Variants in TMEM178B observed in about 807,000 individuals in gnomAD.
TMEM178B encodes transmembrane protein 178B.
In TMEM178B, 5 loss-of-function variants were observed where a neutral mutation model predicts 31.0. The observed-to-expected ratio is 0.16, with a 90% CI of 0.08 to 0.34. The LOEUF is 0.34. Among genes scored for constraint, TMEM178B ranks in the 10% least tolerant of loss-of-function variants. The pLI, the probability that TMEM178B is intolerant of heterozygous loss-of-function variation, is 1.00. For missense variants in TMEM178B, 275 were observed against 400.3 expected, an observed-to-expected ratio of 0.69 and a Z score of 2.67; for synonymous variants, 164 against 164.0, an observed-to-expected ratio of 1.00 and a Z score of 0.00.
intron 3 of TMEM178B, among the ~76,000 whole-genome samples, chr7:141,444,954 C>T (rs1478994150): frequency 6.6e-6 from 1 of 152,132 alleles, no homozygotes; most frequent in Non-Finnish European, 1.5e-5. Context: ...TCCCTTCCCT[C>T]CTTTCACAAA....
chr7:141,374,540 G>A (rs929595297), intron 2 of TMEM178B, among the ~76,000 whole-genome samples: 2 of 152,182 alleles, frequency 1.3e-5, no homozygotes, highest in Non-Finnish European at 2.9e-5. Context: ...CCTAGAGGTA[G>A]ACTTGGAGTG....
At chr7:141,382,241 G>T (rs1158810896) in intron 2 of TMEM178B, among the ~76,000 whole-genome samples, 31 of 152,162 alleles carry the variant, frequency 2.0e-4, no homozygotes, top group Admixed American at 2.0e-3. Flanking sequence ...TCAATATCCA[G>T]ACTCCTCATT....
At chr7:141,356,784 C>T (rs1278036574) in intron 2 of TMEM178B, among the ~76,000 whole-genome samples, 2 of 151,780 alleles carry the variant, frequency 1.3e-5, no homozygotes, top group African/African-American at 4.8e-5. Flanking sequence ...ACTTGACTAC[C>T]TTTGAATCTT....
At chr7:141,117,422 T>A (rs1169506941) in intron 1 of TMEM178B, among the ~76,000 whole-genome samples, 3 of 152,138 alleles carry the variant, frequency 2.0e-5, no homozygotes, top group African/African-American at 4.8e-5. Context: ...TTTGTCAGGT[T>A]GATAGATTAC....
chr7:141,385,105 A>G (rs1046877612), intron 2 of TMEM178B, among the ~76,000 whole-genome samples: 4 of 152,216 alleles, frequency 2.6e-5, no homozygotes, highest in African/African-American at 9.6e-5. Flanking sequence ...CAAAACTTAA[A>G]TGTATGTGGC....
chr7:141,259,129 A>T (rs986062650), intron 2 of TMEM178B, among the ~76,000 whole-genome samples: 1 of 151,966 alleles, frequency 6.6e-6, no homozygotes, highest in Admixed American at 6.6e-5. Flanking sequence ...ATTCTCTGAG[A>T]TGTTCTTCAT....
chr7:141,345,864 A>G (rs909606193), intron 2 of TMEM178B, among the ~76,000 whole-genome samples: 1 of 152,216 alleles, frequency 6.6e-6, no homozygotes, highest in Non-Finnish European at 1.5e-5. Context: ...CAATTTGGGC[A>G]TGCCGTCACC....
chr7:141,296,480 G>A (rs1798636972), intron 2 of TMEM178B, among the ~76,000 whole-genome samples: 2 of 152,200 alleles, frequency 1.3e-5, no homozygotes, highest in Admixed American at 6.5e-5. Flanking sequence ...ATGCTAGGCT[G>A]AGGATGCAGA....
intron 2 of TMEM178B, among the ~76,000 whole-genome samples, chr7:141,340,128 G>A (rs936741210): frequency 6.6e-6 from 1 of 152,188 alleles, no homozygotes; most frequent in African/African-American, 2.4e-5. Flanking sequence ...CTACACTGTT[G>A]GCTTTGAATA....
chr7:141,509,608 C>A, the TMEM178B span, among the ~76,000 whole-genome samples: 1 of 152,124 alleles, frequency 6.6e-6, no homozygotes, highest in African/African-American at 2.4e-5. Flanking sequence ...CGAGATTGTA[C>A]CACTGCACTC....
At chr7:141,408,995 A>C (rs1440862046) in intron 2 of TMEM178B, among the ~76,000 whole-genome samples, 1 of 152,182 alleles carries the variant, frequency 6.6e-6, no homozygotes, top group East Asian at 1.9e-4. Context: ...AAACAATGAG[A>C]GAAAAGGCCA....
chr7:141,110,901 T>C (rs1795224701), intron 1 of TMEM178B, among the ~76,000 whole-genome samples: 1 of 152,132 alleles, frequency 6.6e-6, no homozygotes, highest in Non-Finnish European at 1.5e-5. Flanking sequence ...GAAAAGGTCA[T>C]GTGAACACAC....
chr7:141,349,636 A>G (rs1365045013), intron 2 of TMEM178B, among the ~76,000 whole-genome samples: 4 of 152,242 alleles, frequency 2.6e-5, no homozygotes, highest in Non-Finnish European at 5.9e-5. Flanking sequence ...CTGTTATGGC[A>G]GAAGGCAATC....
chr7:141,120,345 G>T (rs1019945811), intron 1 of TMEM178B, among the ~76,000 whole-genome samples: 4 of 152,100 alleles, frequency 2.6e-5, no homozygotes, highest in Non-Finnish European at 4.4e-5. Context: ...TTAAAAAATG[G>T]TGGACTATTT....
At chr7:141,359,823 T>C (rs891434607) in intron 2 of TMEM178B, among the ~76,000 whole-genome samples, 4 of 152,162 alleles carry the variant, frequency 2.6e-5, no homozygotes, top group Admixed American at 2.0e-4. Flanking sequence ...AAAAAGAGGT[T>C]TAATGGACTC....
the TMEM178B span, among the ~76,000 whole-genome samples, chr7:141,496,445 C>A: frequency 2.0e-5 from 3 of 151,848 alleles, no homozygotes. Context: ...CCGAGGCGGG[C>A]GGATCACGAG....
At chr7:141,111,229 C>T (rs1331001327) in intron 1 of TMEM178B, among the ~76,000 whole-genome samples, 1 of 152,146 alleles carries the variant, frequency 6.6e-6, no homozygotes, top group Non-Finnish European at 1.5e-5. Flanking sequence ...AGAGCGTGTG[C>T]AGAGGAACTG....
At chr7:141,079,644 C>T (rs1301324052) in intron 1 of TMEM178B, among the ~76,000 whole-genome samples, 2 of 152,190 alleles carry the variant, frequency 1.3e-5, no homozygotes, top group Non-Finnish European at 2.9e-5. Flanking sequence ...ACAGAATTCT[C>T]ACAAGCTTCT....
At chr7:141,489,791 C>T in the TMEM178B span, among the ~76,000 whole-genome samples, 1 of 152,104 alleles carries the variant, frequency 6.6e-6, no homozygotes, top group African/African-American at 2.4e-5. Flanking sequence ...GATGAGGGCT[C>T]AAGATTTTTG....
Sources: allele counts gnomAD v4.1 joint callset (sites outside exome capture counted in the v4.1 genomes callset), GRCh38; gene constraint gnomAD v4.1.1; transcripts MANE v1.5; gene names NCBI Gene and HGNC (gene_info 2026-07-23, HGNC 2026-07-21).